PCYT1B: variants seen among roughly 807,000 people sequenced by gnomAD.
PCYT1B encodes the protein choline-phosphate cytidylyltransferase B.
In PCYT1B, 10 loss-of-function variants were observed where a neutral mutation model predicts 26.4. The observed-to-expected ratio is 0.38, with a 90% CI of 0.23 to 0.64. The LOEUF (loss-of-function observed/expected upper bound fraction) is 0.64. Ranked by LOEUF, PCYT1B falls within the 30% of genes least tolerant of loss-of-function variation. The pLI is 0.56. For missense variants in PCYT1B, 161 were observed against 292.7 expected, an observed-to-expected ratio of 0.55 and a Z score of 3.28; for synonymous variants, 131 against 108.4, an observed-to-expected ratio of 1.21 and a Z score of -1.29.
At chrX:24,616,319 C>A (rs1255503655) in intron 2 of PCYT1B, among the ~76,000 whole-genome samples, 3 of 104,842 alleles carry the variant, frequency 2.9e-5, no homozygotes, top group Non-Finnish European at 1.9e-5. Flanking sequence ...CTCACTGCAA[C>A]CTCTGCCTCC....
At chrX:24,646,319 A>G (rs1368248842) in intron 1 of PCYT1B, among the ~76,000 whole-genome samples, 1 of 111,400 alleles carries the variant, frequency 9.0e-6, no homozygotes, top group East Asian at 2.8e-4. Flanking sequence ...CCCCGTTTCC[A>G]CACTTTCATT....
In PCYT1B at chrX:24,587,228, G is replaced by C. The variant is rs1042492488; in HGVS notation, c.565+13C>G. On this transcript the variant is annotated intron_variant, in intron 5 of 7. Coordinates refer to ENST00000379144, the MANE Select transcript of PCYT1B (RefSeq NM_004845.5). Reference sequence around the variant, plus strand: ...TGATGTGGTTGACAGGTGAGCACAGGGGAATGCCTCACCTGCTTCCTTTAT... The same window carrying C: ...TGATGTGGTTGACAGGTGAGCACAGCGGAATGCCTCACCTGCTTCCTTTAT... 8.8e-7 allele frequency: 1 copy of C among 1,141,260 alleles called. No individual in the cohort carries two copies. The highest frequency in any genetic ancestry group is 1.8e-5 in the African/African-American group (1 of 55,741). 94.1% of individuals were successfully genotyped at this position (1,141,260 alleles called of 1,213,427 possible).
At chrX:24,567,428 GAC>G (rs929464810) in intron 7 of PCYT1B, among the ~76,000 whole-genome samples, 16 of 112,328 alleles carry the variant, frequency 1.4e-4, no homozygotes, top group African/African-American at 5.2e-4. Context: ...ACAGTCAGGA[GAC>G]AGTTTGTAAT....
intron 1 of PCYT1B, among the ~76,000 whole-genome samples, chrX:24,622,679 C>T (rs5944657): frequency 0.5 from 55,883 of 111,093 alleles, 10,376 homozygotes; most frequent in East Asian, 0.71. Flanking sequence ...TACAACACCT[C>T]TGTGAGGTAG....
chrX:24,607,403 T>A (rs1317097991), intron 3 of PCYT1B, among the ~76,000 whole-genome samples: 1 of 112,316 alleles, frequency 8.9e-6, no homozygotes, highest in Non-Finnish European at 1.9e-5. Context: ...CAGAATAATA[T>A]TGCTTCTCTT....
At chrX:24,570,009 C>T (rs1923769796) in intron 7 of PCYT1B, among the ~76,000 whole-genome samples, 1 of 109,165 alleles carries the variant, frequency 9.2e-6, no homozygotes, top group Admixed American at 9.8e-5. Context: ...CATGGCAAAA[C>T]CCCACCTCTA....
At chrX:24,671,611 G>A (rs1210562312) in intron 1 of PCYT1B, among the ~76,000 whole-genome samples, 1 of 111,292 alleles carries the variant, frequency 9.0e-6, no homozygotes, top group Non-Finnish European at 1.9e-5. Flanking sequence ...AGAAGGTTTT[G>A]AAGGGATGCT....
intron 1 of PCYT1B, among the ~76,000 whole-genome samples, chrX:24,636,378 C>T (rs1051363400): frequency 1.8e-5 from 2 of 112,060 alleles, no homozygotes; most frequent in Non-Finnish European, 3.8e-5. Flanking sequence ...TTTGGGAGGC[C>T]GAGGCAGGTG....
chrX:24,586,916 C>T (rs374442765), intron 5 of PCYT1B, among the ~76,000 whole-genome samples: 1 of 111,774 alleles, frequency 8.9e-6, no homozygotes, highest in Non-Finnish European at 1.9e-5. Context: ...ATTGTGAAGA[C>T]TTAATTATGA....
At chrX:24,637,532 C>T (rs1442644754) in intron 1 of PCYT1B, among the ~76,000 whole-genome samples, 2 of 79,915 alleles carry the variant, frequency 2.5e-5, no homozygotes, top group Admixed American at 1.6e-4. Flanking sequence ...AGCGTGGTGG[C>T]GTGCACCTGT....
chrX:24,566,212 T>TGTAA (rs1310040590), intron 7 of PCYT1B, among the ~76,000 whole-genome samples: 2 of 112,074 alleles, frequency 1.8e-5, no homozygotes, highest in African/African-American at 6.5e-5. Context: ...TAATCAGAGA[T>TGTAA]GTAAGTAAAT....
At chrX:24,643,025 A>G (rs1926513629) in intron 1 of PCYT1B, among the ~76,000 whole-genome samples, 1 of 111,908 alleles carries the variant, frequency 8.9e-6, no homozygotes, top group South Asian at 3.8e-4. Flanking sequence ...GATCCATAGT[A>G]TATCCATCTT....
upstream of PCYT1B, chrX:24,672,794 G>A (rs1208215538): frequency 2.3e-6 from 1 of 425,922 alleles, no homozygotes; most frequent in Non-Finnish European, 4.0e-6. Flanking sequence ...TGTCCCAGTT[G>A]TTGAATAAGG....
chrX:24,654,425 C>A (rs145573376), intron 1 of PCYT1B, among the ~76,000 whole-genome samples: 4,131 of 102,923 alleles, frequency 0.04, 90 homozygotes, highest in Non-Finnish European at 0.06. Context: ...CTTTTTTATT[C>A]ATTTTCTTCT....
At chrX:24,612,241 A>T (rs753636928) in intron 2 of PCYT1B, among the ~76,000 whole-genome samples, 3 of 112,749 alleles carry the variant, frequency 2.7e-5, no homozygotes, top group East Asian at 2.8e-4. Flanking sequence ...TTGGAAGCAG[A>T]TCTAACAACA....
chrX:24,571,004 C>A (rs1308158173), intron 7 of PCYT1B, among the ~76,000 whole-genome samples: 1 of 112,080 alleles, frequency 8.9e-6, no homozygotes, highest in Non-Finnish European at 1.9e-5. Flanking sequence ...TCCATCCTAC[C>A]GCCTACCAAC....
At position 24,601,935 on chromosome X, in the gene PCYT1B, T is replaced by C. The variant is rs143086589; in HGVS notation, c.334+5810A>G. On this transcript the variant is annotated intron_variant, in intron 3 of 7. Coordinates refer to ENST00000379144, the MANE Select transcript of PCYT1B (RefSeq NM_004845.5). ...GGTACAGCCACTTTGGAAAACAGTT[T>C]GGCAGTTTCTTACAAAACTAGACAT... 2.4e-3 allele frequency among the ~76,000 whole-genome samples: 275 copies of C among 112,390 alleles called. 2 individuals are homozygous for C. The highest frequency in any genetic ancestry group is 0.021 in the Admixed American group (223 of 10,578).
chrX:24,601,586 C>T (rs1472160443), intron 3 of PCYT1B, among the ~76,000 whole-genome samples: 1 of 108,612 alleles, frequency 9.2e-6, no homozygotes, highest in Non-Finnish European at 1.9e-5. Context: ...ACAAAGAACT[C>T]TAAAACTCAA....
At chrX:24,670,011 C>T (rs1354072001) in intron 1 of PCYT1B, among the ~76,000 whole-genome samples, 1 of 101,313 alleles carries the variant, frequency 9.9e-6, no homozygotes, top group Non-Finnish European at 2.0e-5. Context: ...CCACTGCACT[C>T]GAGCCTGGGC....
Sources: gnomAD v4.1 joint callset for allele counts (sites outside exome capture counted in the v4.1 genomes callset) on GRCh38, gnomAD v4.1.1 for gene constraint, MANE v1.5 for transcripts, NCBI Gene and HGNC (gene_info 2026-07-23, HGNC 2026-07-21) for gene names.